The following ACSF3 variants were observed in gnomAD, a reference collection of about 807,000 sequenced individuals.
The protein encoded by ACSF3 is malonate--CoA ligase ACSF3, mitochondrial.
A neutral mutation model predicts 53.2 loss-of-function variants in ACSF3; 78 were observed. That is an observed-to-expected ratio of 1.47 (90% CI 1.22 to 1.77). ACSF3 has a LOEUF of 1.77. ACSF3 is among the 40% of genes most tolerant of loss of function. ACSF3 has a pLI of 0.00. For missense variants in ACSF3, 937 were observed against 771.1 expected (o/e 1.22, Z -2.55); for synonymous variants, 414 against 333.1 (o/e 1.24, Z -2.65).
At chr16:89,125,343 C>T (rs1185432970) in intron 7 of ACSF3, among the ~76,000 whole-genome samples, 2 of 140,884 alleles carry the variant, frequency 1.4e-5, no homozygotes, top group South Asian at 2.3e-4. Context: ...AACTCTGTCT[C>T]AAAAAAAAAA....
rs879033208 is a variant in ACSF3 at position 89,114,520 on chromosome 16, C to A, written c.1126+33C>A. On this transcript the variant is annotated intron_variant, in intron 6 of 10. Transcript: ENST00000614302. ...CACTTCCCACAGCTGCGTTCCTCTT[C>A]CACTGTGCTCTGAGCCCCCCAAGGT... The A allele has an allele frequency of 3.1e-6, 5 of 1,607,382 alleles. No individual in the cohort carries two copies. In the South Asian group the frequency reaches 4.4e-5, roughly 14 times the overall value.
chr16:89,129,140 G>C (rs533503354), intron 7 of ACSF3, among the ~76,000 whole-genome samples: 7 of 152,206 alleles, frequency 4.6e-5, no homozygotes, highest in African/African-American at 1.7e-4. Flanking sequence ...GCTCGTTTTA[G>C]GAAATGTCTG....
chr16:89,131,105 C>CTTTCTT (rs1309197137), intron 7 of ACSF3, among the ~76,000 whole-genome samples: 13 of 121,654 alleles, frequency 1.1e-4, no homozygotes, highest in Non-Finnish European at 1.9e-4. Flanking sequence ...TTTGCCCTTT[C>CTTTCTT]TTTCTTTTTC....
chr16:89,094,596 A>G (rs1974393545), intron 1 of ACSF3, among the ~76,000 whole-genome samples: 1 of 152,202 alleles, frequency 6.6e-6, no homozygotes, highest in Non-Finnish European at 1.5e-5. Flanking sequence ...TCCTGAGTCT[A>G]AATTCCACCA....
rs531428786 is a variant in ACSF3 at position 89,118,736 on chromosome 16, G to A, written c.1127-2065G>A. Among the ~76,000 whole-genome samples the A allele has an allele frequency of 1.1e-3, 169 of 152,352 alleles. 2 individuals carry two copies. Among genetic ancestry groups the A allele is most frequent in the African/African-American group, 3.7e-3 (155 of 41,588 alleles). ...CTCACGGCTCCTGGGCCACTCTGTG[G>A]CATTGACAGGGAGCTCCAGGGCCTC... On this transcript the variant is annotated intron_variant, in intron 6 of 10. Transcript: ENST00000614302.
At chr16:89,104,991 C>T (rs1057288774) in intron 4 of ACSF3, among the ~76,000 whole-genome samples, 2 of 141,184 alleles carry the variant, frequency 1.4e-5, no homozygotes, top group African/African-American at 2.6e-5. Context: ...TAGCCGTCAG[C>T]TCCCTCCACT....
chr16:89,142,947 C>A (rs1328394828), intron 8 of ACSF3, among the ~76,000 whole-genome samples: 1 of 152,220 alleles, frequency 6.6e-6, no homozygotes, highest in Admixed American at 6.5e-5. Flanking sequence ...TGAGTTTGTT[C>A]TTTAACAAGT....
chr16:89,117,811 G>C (rs1472613105), intron 6 of ACSF3, among the ~76,000 whole-genome samples: 1 of 152,196 alleles, frequency 6.6e-6, no homozygotes, highest in Non-Finnish European at 1.5e-5. Flanking sequence ...CCCCGGCTGA[G>C]GAGGGGGATC....
At position 89,154,339 on chromosome 16, in the gene ACSF3, G is replaced by C. The variant is rs759639713; in HGVS notation, c.*132G>C. The C allele has an allele frequency of 2.3e-5, 20 of 861,572 alleles. No homozygotes were observed. In the African/African-American group the frequency reaches 2.3e-4, roughly 10 times the overall value. 53.4% of individuals were successfully genotyped at this position (861,572 alleles called of 1,614,324 possible). ...CCCAAATCAGGTCACGTAGAATCAA[G>C]AACTGTTTGGGATGAAATCACCATG... On this transcript the variant is annotated 3_prime_UTR_variant, in exon 11 of 11. Coordinates refer to ENST00000614302, the MANE Select transcript of ACSF3 (RefSeq NM_001243279.3).
chr16:89,107,921 A>G (rs1976208030), intron 4 of ACSF3, among the ~76,000 whole-genome samples: 1 of 152,204 alleles, frequency 6.6e-6, no homozygotes, highest in Non-Finnish European at 1.5e-5. Context: ...AGACATACCC[A>G]AGACAGGGAA....
chr16:89,133,413 T>TA (rs1909750233), intron 8 of ACSF3, 151 bp downstream of exon 8: 6 of 1,086,176 alleles, frequency 5.5e-6, no homozygotes, highest in East Asian at 2.6e-5. Context: ...GGGCCACTGT[T>TA]ACGGCACTGC....
rs1914474473 is a variant in ACSF3 at position 89,154,272 on chromosome 16, C to G, written c.*65C>G. The G allele has an allele frequency of 1.3e-6, 2 of 1,494,692 alleles. No individual in the cohort carries two copies. The highest frequency in any genetic ancestry group is 9.2e-7 in the Non-Finnish European group (1 of 1,083,290). The allele number at this position is 1,494,692 out of a possible 1,614,324, so 92.6% of individuals were successfully genotyped here. A position where few individuals can be genotyped will look rare whatever the true frequency, so the allele number is the denominator to read the frequency against. On this transcript the variant is annotated 3_prime_UTR_variant, in exon 11 of 11. Coordinates refer to ENST00000614302, the MANE Select transcript of ACSF3 (RefSeq NM_001243279.3). ...GACGTCCCCTTCACACCGAGAACCA[C>G]GGGGGCCCGTCCAAGACCTGGCCTC...
intron 2 of ACSF3, 52 bp from the exon 3 acceptor site, chr16:89,100,610 C>T (rs982369014): frequency 4.2e-5 from 64 of 1,524,624 alleles, no homozygotes; most frequent in Non-Finnish European, 4.8e-5. Flanking sequence ...GTCTTGGCCA[C>T]GTTTGGATGG....
intron 10 of ACSF3, chr16:89,147,524 C>G (rs111243088): frequency 3.6e-4 from 1 of 2,790 alleles, no homozygotes; most frequent in Non-Finnish European, 7.0e-4. Context: ...ACAGAGTGAG[C>G]GGGGGGGGGG....
chr16:89,099,834 T>G (rs1975059993), intron 2 of ACSF3, among the ~76,000 whole-genome samples: 2 of 125,364 alleles, frequency 1.6e-5, no homozygotes, highest in South Asian at 2.5e-4. Context: ...AGATAGATAA[T>G]AAAGAGAGAG....
intron 2 of ACSF3, among the ~76,000 whole-genome samples, chr16:89,099,942 A>G (rs1975073595): frequency 6.6e-6 from 1 of 151,290 alleles, no homozygotes; most frequent in African/African-American, 2.4e-5. Context: ...AGGACTTTGG[A>G]CCAGCCTGGG....
At position 89,154,386 on chromosome 16, in the gene ACSF3, A is replaced by G. The variant is rs962985859; in HGVS notation, c.*179A>G. On this transcript the variant is annotated 3_prime_UTR_variant, in exon 11 of 11. Transcript: ENST00000614302. ...CATGTGGGGTCCCCAGCCTCGGGCC[A>G]GTTGTTGCAGCTCAAGGAGACCGTC... 4.3e-6 allele frequency: 3 copies of G among 703,240 alleles called. No individual in the cohort carries two copies. Among genetic ancestry groups the G allele is most frequent in the Non-Finnish European group, 5.1e-6 (2 of 392,148 alleles). The allele number at this position is 703,240 out of a possible 1,614,324, so 43.6% of individuals were successfully genotyped here.
chr16:89,123,448 A>C (rs865835333), intron 7 of ACSF3, among the ~76,000 whole-genome samples: 2 of 152,134 alleles, frequency 1.3e-5, no homozygotes, highest in East Asian at 1.9e-4. Flanking sequence ...CCAGAACCCG[A>C]GGGTGCCCCT....
Position 89,133,154 on chromosome 16 carries a change from G to A in ACSF3, c.1258G>A (p.Glu420Lys). 6.2e-7 allele frequency: 1 copy of A among 1,614,012 alleles called. No homozygotes were observed. Among genetic ancestry groups the A allele is most frequent in the Non-Finnish European group, 8.5e-7 (1 of 1,180,022 alleles). ...TCCACAGGTGACCCCAGGGTTTGAA[G>A]AAAAGGAGGGGGAGCTGCTGGTGAG... ...RGTKVTPGFE[E>K]KEGELLVRGP... Residue 420 changes from glutamate to lysine, a missense_variant, in exon 8 of 11, where the codon GAA becomes AAA. Physicochemically the swap from Glu to Lys is moderately conservative, Grantham distance 56. Transcript: ENST00000614302.
Sources: gnomAD v4.1 joint callset for allele counts (sites outside exome capture counted in the v4.1 genomes callset) on GRCh38, gnomAD v4.1.1 for gene constraint, MANE v1.5 for transcripts, NCBI Gene and HGNC (gene_info 2026-07-23, HGNC 2026-07-21) for gene names.